Variants in ATRNL1 observed in about 807,000 individuals in gnomAD.
ATRNL1 encodes the protein attractin-like protein 1.
A neutral mutation model predicts 182.7 loss-of-function variants in ATRNL1; 95 were observed. The observed-to-expected ratio is 0.52, with a 90% CI of 0.44 to 0.62. The LOEUF is 0.62. Ranked by LOEUF, ATRNL1 falls within the 20% of genes least tolerant of loss-of-function variation. The pLI is 0.00. For synonymous variants in ATRNL1, 576 were observed against 568.3 expected (o/e 1.01, Z -0.19); for missense variants, 1,471 against 1,679.5 (o/e 0.88, Z 2.17).
chr10:115,224,272 A>T, intron 9 of ATRNL1, among the ~76,000 whole-genome samples: 1 of 151,946 alleles, frequency 6.6e-6, no homozygotes, highest in East Asian at 1.9e-4. Context: ...GAAAATTTTC[A>T]TACTTAAAAT....
At chr10:115,637,600 T>TAAC (rs1858959583) in intron 26 of ATRNL1, among the ~76,000 whole-genome samples, 1 of 100,786 alleles carries the variant, frequency 9.9e-6, no homozygotes, top group Non-Finnish European at 2.1e-5. Flanking sequence ...AGTCAATTTA[T>TAAC]TACTATTATT....
chr10:115,126,214 T>A (rs549938644), intron 3 of ATRNL1, among the ~76,000 whole-genome samples: 3 of 152,102 alleles, frequency 2.0e-5, no homozygotes, highest in Non-Finnish European at 4.4e-5. Flanking sequence ...TGCACCACCG[T>A]GCCCACCTGA....
intron 28 of ATRNL1, among the ~76,000 whole-genome samples, chr10:115,889,714 T>C (rs1555110681): frequency 6.6e-6 from 1 of 152,188 alleles, no homozygotes; most frequent in Non-Finnish European, 1.5e-5. Context: ...AAAACCTGTG[T>C]TCTTAACCAC....
At chr10:115,731,557 G>A (rs1947797995) in intron 27 of ATRNL1, among the ~76,000 whole-genome samples, 2 of 151,226 alleles carry the variant, frequency 1.3e-5, no homozygotes, top group South Asian at 2.1e-4. Context: ...TATATTTGGG[G>A]ATCAAGATCT....
intron 25 of ATRNL1, among the ~76,000 whole-genome samples, chr10:115,521,138 T>TTTGTTG (rs68061119): frequency 0.33 from 48,423 of 148,826 alleles, 8,508 homozygotes; most frequent in Middle Eastern, 0.41. Flanking sequence ...TAAAACAACT[T>TTTGTTG]TTGTTGTTGT....
At chr10:115,641,690 T>G (rs971140827) in intron 26 of ATRNL1, among the ~76,000 whole-genome samples, 1 of 152,156 alleles carries the variant, frequency 6.6e-6, no homozygotes, top group Non-Finnish European at 1.5e-5. Flanking sequence ...CATGCTTATT[T>G]AAACCTTTTA....
rs555394274 is a variant in ATRNL1 at position 115,408,708 on chromosome 10, C to T, written c.3269+13956C>T. On this transcript the variant is annotated intron_variant, in intron 20 of 28. Transcript: ENST00000355044. ...AGTAGTTTTATTGTTTCTGGCCTTA[C>T]ATTTAGGTATTTGATCCATTTTTCC... Among the ~76,000 whole-genome samples the T allele has an allele frequency of 7.9e-5, 12 of 151,430 alleles. No individual in the cohort carries two copies. In the South Asian group the frequency reaches 2.6e-3, roughly 33 times the overall value.
chr10:115,944,862 G>A lies in ATRNL1; in HGVS notation c.*83G>A. 6.8e-7 allele frequency: 1 copy of A among 1,464,882 alleles called. No homozygotes were observed. Among genetic ancestry groups the A allele is most frequent in the Non-Finnish European group, 9.1e-7 (1 of 1,093,792 alleles). 90.7% of individuals were successfully genotyped at this position (1,464,882 alleles called of 1,614,324 possible). ...CTGTTCTATGGCCTTGGATTTTATG[G>A]AGGCAGATCTCTGTATCATCCAGAG... is the stretch of plus-strand genomic sequence containing the variant. On this transcript the variant is annotated 3_prime_UTR_variant, in exon 29 of 29. Transcript: ENST00000355044.
chr10:115,770,224 T>G (rs1555076008), intron 27 of ATRNL1, among the ~76,000 whole-genome samples: 1 of 152,098 alleles, frequency 6.6e-6, no homozygotes, highest in Admixed American at 6.5e-5. Context: ...GATAGCAATA[T>G]TTATATTAAA....
intron 28 of ATRNL1, among the ~76,000 whole-genome samples, chr10:115,896,734 A>G (rs1555112616): frequency 1.3e-5 from 2 of 152,108 alleles, no homozygotes; most frequent in East Asian, 1.9e-4. Flanking sequence ...TGAAGGAAGG[A>G]TGACTTTTCA....
At chr10:115,446,771 TA>T (rs1847020554) in intron 21 of ATRNL1, among the ~76,000 whole-genome samples, 1 of 152,016 alleles carries the variant, frequency 6.6e-6, no homozygotes, top group Non-Finnish European at 1.5e-5. Context: ...GAAGTGTAAA[TA>T]AGAGAGGTCT....
At chr10:115,372,651 C>A (rs555385825) in intron 19 of ATRNL1, among the ~76,000 whole-genome samples, 4 of 152,052 alleles carry the variant, frequency 2.6e-5, no homozygotes, top group Admixed American at 1.3e-4. Context: ...ATTGTGTGTT[C>A]TTGCCACCTT....
At chr10:115,293,158 T>G (rs1279786949) in intron 15 of ATRNL1, among the ~76,000 whole-genome samples, 1 of 152,154 alleles carries the variant, frequency 6.6e-6, no homozygotes, top group Non-Finnish European at 1.5e-5. Context: ...TTGTCTGATA[T>G]AAGTGTAGCT....
intron 13 of ATRNL1, among the ~76,000 whole-genome samples, chr10:115,277,544 C>T (rs1776642200): frequency 6.6e-6 from 1 of 152,014 alleles, no homozygotes; most frequent in African/African-American, 2.4e-5. Flanking sequence ...AGCTCCATTA[C>T]ATGAGAAGGC....
At chr10:115,897,500 T>C (rs1045432224) in intron 28 of ATRNL1, among the ~76,000 whole-genome samples, 2 of 152,212 alleles carry the variant, frequency 1.3e-5, no homozygotes, top group Non-Finnish European at 2.9e-5. Context: ...ATACAGTTGA[T>C]CTATGCAGAC....
At chr10:115,743,202 G>C (rs2907547) in intron 27 of ATRNL1, among the ~76,000 whole-genome samples, 144,341 of 146,940 alleles carry the variant, frequency 0.98, 70,941 homozygotes, top group Middle Eastern at 1. Context: ...TGGGTGGGGA[G>C]ACAGACAAAC....
chr10:115,333,467 C>A, intron 18 of ATRNL1, among the ~76,000 whole-genome samples: 1 of 146,860 alleles, frequency 6.8e-6, no homozygotes. Context: ...CATATTTATG[C>A]AAATTAATTC....
chr10:115,197,103 T>G (rs1848390905), intron 8 of ATRNL1, among the ~76,000 whole-genome samples: 1 of 152,132 alleles, frequency 6.6e-6, no homozygotes, highest in African/African-American at 2.4e-5. Context: ...TTCCTCGAAA[T>G]AGTTTTTTTT....
At chr10:115,849,723 C>T (rs556972665) in intron 28 of ATRNL1, among the ~76,000 whole-genome samples, 20 of 151,752 alleles carry the variant, frequency 1.3e-4, no homozygotes, top group African/African-American at 2.2e-4. Context: ...GGGAGTGAGA[C>T]GTAGAAAGCA....
Sources: gnomAD v4.1 joint callset for allele counts (sites outside exome capture counted in the v4.1 genomes callset) on GRCh38, gnomAD v4.1.1 for gene constraint, MANE v1.5 for transcripts, NCBI Gene and HGNC (gene_info 2026-07-23, HGNC 2026-07-21) for gene names.